EXD1: variants seen among roughly 807,000 people sequenced by gnomAD.
The protein encoded by EXD1 is exonuclease 3'-5' domain containing 1.
EXD1 carries 63 observed loss-of-function variants against 49.1 expected under a neutral mutation model. That is an observed-to-expected ratio of 1.28 (90% CI 1.05 to 1.58). The LOEUF (loss-of-function observed/expected upper bound fraction) is 1.58. Ranked by LOEUF, EXD1 falls within the 40% of genes most tolerant of loss-of-function variation. The pLI, the probability that EXD1 is intolerant of heterozygous loss-of-function variation, is 0.00. For synonymous variants in EXD1, 234 were observed against 239.2 expected (o/e 0.98, Z 0.20); for missense variants, 748 against 666.0 (o/e 1.12, Z -1.36).
intron 3 of EXD1, 69 bp from the exon 4 acceptor site, chr15:41,217,223 C>T: frequency 7.7e-7 from 1 of 1,299,942 alleles, no homozygotes; most frequent in Non-Finnish European, 1.1e-6. Flanking sequence ...CCACTACCCA[C>T]ACACCCCTAG....
In EXD1 at chr15:41,184,388, T is replaced by A; in HGVS notation, c.1262A>T (p.Asp421Val). 6.2e-7 allele frequency: 1 copy of A among 1,614,068 alleles called. No individual in the cohort carries two copies. Among genetic ancestry groups the A allele is most frequent in the South Asian group, 1.1e-5 (1 of 91,070 alleles). ...TTGAGATGTAAAACTTGGAGCTTTA[T>A]CTATCCTAAAATTTTTACCAAATAA... ...GFLFGKNFRI[D>V]KAPSFTSQDF... The change falls in exon 12 of 12, where the codon GAT becomes GTT. Residue 421 changes from aspartate (D) to valine (V), a missense_variant. Coordinates refer to ENST00000458580, the MANE Select transcript of EXD1 (RefSeq NM_001286441.2).
At chr15:41,200,152 C>T (rs990245754) in intron 7 of EXD1, among the ~76,000 whole-genome samples, 2 of 151,910 alleles carry the variant, frequency 1.3e-5, no homozygotes, top group African/African-American at 4.8e-5. Context: ...TCAAGTGATC[C>T]GCCTGCCTCG....
intron 7 of EXD1, among the ~76,000 whole-genome samples, chr15:41,204,368 T>C (rs1469061729): frequency 4.7e-5 from 7 of 150,330 alleles, no homozygotes; most frequent in Admixed American, 4.0e-4. Context: ...CTGGCCAACA[T>C]GGTGAAACCC....
chr15:41,219,584 C>T (rs1566993057), intron 3 of EXD1: 1 of 359,128 alleles, frequency 2.8e-6, no homozygotes, highest in Non-Finnish European at 5.0e-6. Context: ...TTCCTGTTCA[C>T]ATTCCTAACT....
intron 7 of EXD1, among the ~76,000 whole-genome samples, chr15:41,204,226 C>T (rs144798636): frequency 0.029 from 3,899 of 133,436 alleles, 140 homozygotes; most frequent in African/African-American, 0.094. Flanking sequence ...CCAGCCTGGG[C>T]GACACAGCAA....
Position 41,203,944 on chromosome 15 carries a change from A to AAC in EXD1, c.534+5556_534+5557insGT, listed in dbSNP as rs2046776904. On this transcript the variant is annotated intron_variant, in intron 7 of 11. Coordinates refer to ENST00000458580, the MANE Select transcript of EXD1 (RefSeq NM_001286441.2). ...AAAAAAAAAAAAAAAAAAAAAAAAAACCCTAAAAATATTACTCTAGGCCAG... is the reference window on the plus strand; with the variant it reads ...AAAAAAAAAAAAAAAAAAAAAAAAAAACCCCTAAAAATATTACTCTAGGCCAG... Among the ~76,000 whole-genome samples, 9 of 139,840 alleles carry AAC rather than the reference A, an allele frequency of 6.4e-5. 1 individual carries two copies. Among genetic ancestry groups the AAC allele is most frequent in the African/African-American group, 2.4e-4 (9 of 36,846 alleles). 91.7% of individuals were successfully genotyped at this position (139,840 alleles called of 152,430 possible).
chr15:41,219,849 A>C lies in EXD1; in HGVS notation c.183T>G (p.Phe61Leu). Reference protein sequence around the residue: ...GRSVPGVKLFFGHEIVNVELL... With the variant: ...GRSVPGVKLFLGHEIVNVELL... ...TCTCACCATTCACAATCTCATGCCC[A>C]AAAAACAACTTCACTCCTGGGACAC... The change falls in exon 3 of 12, where the codon TTT (phenylalanine) becomes TTG (leucine). Residue 61 changes from phenylalanine (F) to leucine (L), a missense_variant. Transcript: ENST00000458580. 4 of 1,535,770 alleles carry C rather than the reference A, an allele frequency of 2.6e-6. No homozygotes were observed. The highest frequency in any genetic ancestry group is 1.7e-4 in the Middle Eastern group (1 of 5,986).
rs777472629 is a variant in EXD1, at chr15:41,184,046, A to T, written c.1604T>A (p.Val535Glu). Residue 535 changes from valine to glutamate, a missense_variant, in exon 12 of 12, where the codon GTG becomes GAG. Transcript: ENST00000458580. The part of the protein sequence containing the change: ...SMSSFPQETR[V>E]SPSDTFYPIR... ...AGGATAAAAAGTGTCACTTGGAGAC[A>T]CTCTGGTTTCCTGAGGAAAGGAAGA... The T allele has an allele frequency of 1.2e-6, 2 of 1,614,132 alleles. No homozygotes were observed. Among genetic ancestry groups the T allele is most frequent in the Admixed American group, 1.7e-5 (1 of 60,002 alleles).
intron 7 of EXD1, among the ~76,000 whole-genome samples, chr15:41,202,079 T>C (rs1440674861): frequency 6.6e-6 from 1 of 151,980 alleles, no homozygotes; most frequent in East Asian, 1.9e-4. Context: ...ACTTCTGTCA[T>C]TTCAGGAGCT....
chr15:41,230,645 C>A lies in EXD1; in HGVS notation c.-220G>T. The A allele has an allele frequency of 7.7e-7, 1 of 1,301,208 alleles. No individual in the cohort carries two copies. The highest frequency in any genetic ancestry group is 1.1e-6 in the Non-Finnish European group (1 of 926,822). The allele number at this position is 1,301,208 out of a possible 1,614,324, so 80.6% of individuals were successfully genotyped here. On this transcript the variant is annotated 5_prime_UTR_variant, in exon 1 of 12. Coordinates refer to ENST00000458580, the MANE Select transcript of EXD1 (RefSeq NM_001286441.2). ...GGAAGAAGTCTCGGGACGCTCCACG[C>A]CACCCGGCGGCGGTTATCAAATCAC...
At chr15:41,199,639 TA>T (rs2046675139) in intron 7 of EXD1, among the ~76,000 whole-genome samples, 2 of 135,584 alleles carry the variant, frequency 1.5e-5, no homozygotes, top group African/African-American at 5.3e-5. Context: ...GTTACATATA[TA>T]AAATATATAT....
At chr15:41,203,746 G>A (rs746260350) in intron 7 of EXD1, among the ~76,000 whole-genome samples, 28 of 150,716 alleles carry the variant, frequency 1.9e-4, no homozygotes, top group Non-Finnish European at 2.4e-4. Context: ...GTGAAACTCC[G>A]TCTCTACCAA....
At chr15:41,202,655 C>T (rs901705491) in intron 7 of EXD1, among the ~76,000 whole-genome samples, 8 of 152,046 alleles carry the variant, frequency 5.3e-5, no homozygotes, top group African/African-American at 7.2e-5. Context: ...TTTGTAGAGA[C>T]GGGGTTTCAC....
intron 9 of EXD1, among the ~76,000 whole-genome samples, chr15:41,193,582 T>A (rs1453667939): frequency 1.3e-5 from 2 of 151,978 alleles, no homozygotes; most frequent in Non-Finnish European, 1.5e-5. Flanking sequence ...CTTAAAAAAA[T>A]TTTAAAAATC....
rs2047003003 is a variant in EXD1, at chr15:41,216,665, C to T, written c.388+3G>A. 1 of 1,604,898 alleles carries T rather than the reference C, an allele frequency of 6.2e-7. No individual in the cohort carries two copies. Among genetic ancestry groups the T allele is most frequent in the Non-Finnish European group, 8.5e-7 (1 of 1,178,052 alleles). Reference sequence around the variant, plus strand: ...AAAGAAAATTCAGAGCCCCTATATTCACCTGATGGGCTGTACTTGAGGTCA... The same window carrying T: ...AAAGAAAATTCAGAGCCCCTATATTTACCTGATGGGCTGTACTTGAGGTCA... On this transcript the variant is annotated splice_donor_region_variant and intron_variant, in intron 5 of 11. Transcript: ENST00000458580.
chr15:41,216,933 C>T (rs1032372279), intron 4 of EXD1, 138 bp from the exon 5 acceptor site: 2 of 1,353,304 alleles, frequency 1.5e-6, no homozygotes, highest in African/African-American at 2.9e-5. Flanking sequence ...CTTACATTGA[C>T]TTGAGGGCGC....
In EXD1 at chr15:41,184,122, T is replaced by A. The variant is rs1420891884; in HGVS notation, c.1528A>T (p.Met510Leu). The A allele has an allele frequency of 6.2e-7, 1 of 1,614,200 alleles. No individual in the cohort carries two copies. The highest frequency in any genetic ancestry group is 8.5e-7 in the Non-Finnish European group (1 of 1,180,024). Reference protein sequence around the residue: ...SLKEETEQLLMVENKEDLKCT... With the variant: ...SLKEETEQLLLVENKEDLKCT... ...TTTAAATCTTCCTTGTTTTCCACCA[T>A]CAATAACTGTTCTGTCTCCTCTTTC... The change falls in exon 12 of 12, where the codon ATG becomes TTG. Residue 510 changes from methionine (M) to leucine (L), a missense_variant. Met to Leu is a conservative substitution (Grantham distance 15). Coordinates refer to ENST00000458580, the MANE Select transcript of EXD1 (RefSeq NM_001286441.2).
rs2047004000 is a variant in EXD1, at chr15:41,216,704, T to C, written c.352A>G (p.Thr118Ala). 6.2e-7 allele frequency: 1 copy of C among 1,613,346 alleles called. No individual in the cohort carries two copies. Among genetic ancestry groups the C allele is most frequent in the Non-Finnish European group, 8.5e-7 (1 of 1,180,002 alleles). The stretch of plus-strand genomic sequence containing the variant: ...TACTTGAGGTCATTCAGCAGAGAGG[T>C]AGCTGGTGCTTCAGGGGCAGGAGAA... ...PASPAPEAPA[T>A]SLLNDLKYSP... The change falls in exon 5 of 12, where the codon ACC becomes GCC. Residue 118 changes from threonine (T) to alanine (A), a missense_variant. Thr to Ala is a moderately conservative substitution (Grantham distance 58). Coordinates refer to ENST00000458580, the MANE Select transcript of EXD1 (RefSeq NM_001286441.2).
In EXD1 at chr15:41,226,557, A is replaced by G; in HGVS notation, c.19T>C (p.Tyr7His). 1.3e-6 allele frequency: 2 copies of G among 1,536,092 alleles called. No individual in the cohort carries two copies. The highest frequency in any genetic ancestry group is 1.7e-6 in the Non-Finnish European group (2 of 1,146,876). Residue 7 changes from tyrosine (Y) to histidine (H), a missense_variant, in exon 2 of 12, where the codon TAC (tyrosine) becomes CAC (histidine). Tyr to His is a moderately conservative substitution (Grantham distance 83). Transcript: ENST00000458580. MDPSSD[Y>H]HFLSQILWKR... is the part of the protein sequence containing the mutation. ...CACAAAATCTGGCTGAGGAAATGGTAGTCACTGCTGGGGTCCATGCTAATT... is the reference window on the plus strand; with the variant it reads ...CACAAAATCTGGCTGAGGAAATGGTGGTCACTGCTGGGGTCCATGCTAATT...
Sources: gnomAD v4.1 joint callset for allele counts (sites outside exome capture counted in the v4.1 genomes callset) on GRCh38, gnomAD v4.1.1 for gene constraint, MANE v1.5 for transcripts, NCBI Gene and HGNC (gene_info 2026-07-23, HGNC 2026-07-21) for gene names.